ADRA2B: variants seen among roughly 807,000 people sequenced by gnomAD.
ADRA2B encodes adrenoceptor alpha 2B.
In ADRA2B, 14 loss-of-function variants were observed where a neutral mutation model predicts 14.4. The ratio of observed to expected loss-of-function variants is 0.97; its 90% CI spans 0.64 to 1.52. The LOEUF (loss-of-function observed/expected upper bound fraction) is 1.52. Among genes scored for constraint, ADRA2B ranks in the 40% most tolerant of loss-of-function variants. ADRA2B has a pLI of 0.00. For synonymous variants in ADRA2B, 250 were observed against 263.7 expected (o/e 0.95, Z 0.50); for missense variants, 606 against 603.2 (o/e 1.00, Z -0.05).
At position 96,115,027 on chromosome 2, in the gene ADRA2B, C is replaced by T; in HGVS notation, c.1123G>A (p.Val375Met). The T allele has an allele frequency of 6.2e-7, 1 of 1,613,814 alleles. No homozygotes were observed. Among genetic ancestry groups the T allele is most frequent in the Non-Finnish European group, 8.5e-7 (1 of 1,179,810 alleles). ...CAGAGCACAAAAACGCCAATGACCA[C>T]AGCCAGCACGAAGGTGAAGCGCTTC... ...REKRFTFVLA[V>M]VIGVFVLCWF... Residue 375 changes from valine (V) to methionine (M), a missense_variant, in exon 1 of 1, where the codon GTG becomes ATG. Val to Met is a conservative substitution (Grantham distance 21, BLOSUM62 1). Coordinates refer to ENST00000620793, the MANE Select transcript of ADRA2B (RefSeq NM_000682.7).
Position 96,115,744 on chromosome 2 carries a change from C to A in ADRA2B, c.406G>T (p.Val136Leu), listed in dbSNP as rs1355261717. Residue 136 changes from valine (V) to leucine (L), a missense_variant, in exon 1 of 1, where the codon GTG becomes TTG. Physicochemically the swap from Val to Leu is conservative, Grantham distance 32. Transcript: ENST00000620793. The stretch of plus-strand genomic sequence containing the variant: ...GAGATGACGGCGGCGATGAGCCACA[C>A]AGTGAGGATGATGCACTTGATGCGG... Reference protein sequence around the residue: ...PRRIKCIILTVWLIAAVISLP... With the variant: ...PRRIKCIILTLWLIAAVISLP... 1 of 1,613,160 alleles carries A rather than the reference C, an allele frequency of 6.2e-7. No individual in the cohort carries two copies. Among genetic ancestry groups the A allele is most frequent in the Admixed American group, 1.7e-5 (1 of 59,992 alleles).
At position 96,116,358 on chromosome 2, in the gene ADRA2B, G is replaced by C; in HGVS notation, c.-209C>G. The C allele has an allele frequency of 1.7e-6, 1 of 575,240 alleles. No individual in the cohort carries two copies. The highest frequency in any genetic ancestry group is 3.1e-6 in the Non-Finnish European group (1 of 322,760). 35.6% of individuals were successfully genotyped at this position (575,240 alleles called of 1,614,324 possible). A position where few individuals can be genotyped will look rare whatever the true frequency, so the allele number is the denominator to read the frequency against. ...CTACATCCTCCTCCACCGGTGCCCG[G>C]GGTCCCTGCCGTCCGCCCCAGAGAA... On this transcript the variant is annotated 5_prime_UTR_variant, in exon 1 of 1. Transcript: ENST00000620793.
In ADRA2B at chr2:96,113,135, T is replaced by C; in HGVS notation, c.*1662A>G. The C allele has an allele frequency of 2.5e-6, 1 of 398,550 alleles. No homozygotes were observed. The allele number at this position is 398,550 out of a possible 1,614,324, so 24.7% of individuals were successfully genotyped here. A position where few individuals can be genotyped will look rare whatever the true frequency, so the allele number is the denominator to read the frequency against. ...CCCACACCCCAGGAAGGACTCTTTT[T>C]GGTCCCCTCCATTCTCTCTACACCC... On this transcript the variant is annotated 3_prime_UTR_variant, in exon 1 of 1. Coordinates refer to ENST00000620793, the MANE Select transcript of ADRA2B (RefSeq NM_000682.7).
At position 96,115,764 on chromosome 2, in the gene ADRA2B, A is replaced by G; in HGVS notation, c.386T>C (p.Ile129Thr). The G allele has an allele frequency of 6.2e-7, 1 of 1,612,962 alleles. No individual in the cohort carries two copies. Among genetic ancestry groups the G allele is most frequent in the South Asian group, 1.1e-5 (1 of 91,026 alleles). ...CCACACAGTGAGGATGATGCACTTG[A>G]TGCGGCGCGGGGTGCGCTTGGAGTT... ...EYNSKRTPRR[I>T]KCIILTVWLI... Residue 129 changes from isoleucine (I) to threonine (T), a missense_variant, in exon 1 of 1, where the codon ATC becomes ACC. By Grantham distance (89) the Ile-to-Thr change is moderately conservative. Coordinates refer to ENST00000620793, the MANE Select transcript of ADRA2B (RefSeq NM_000682.7).
At position 96,115,881 on chromosome 2, in the gene ADRA2B, G is replaced by T. The variant is rs899636051; in HGVS notation, c.269C>A (p.Ala90Glu). The change falls in exon 1 of 1, where the codon GCG (alanine) becomes GAG (glutamate). Residue 90 changes from alanine (A) to glutamate (E), a missense_variant. By Grantham distance (107) the Ala-to-Glu change is moderately radical. Transcript: ENST00000620793. ...CGAGGTGCAGAAGAGCACGTCGAGCGCCAGGTACACCTCGCACCACGTGCG... is the reference window on the plus strand; with the variant it reads ...CGAGGTGCAGAAGAGCACGTCGAGCTCCAGGTACACCTCGCACCACGTGCG... ...FRRTWCEVYL[A>E]LDVLFCTSSI... 3.1e-6 allele frequency: 5 copies of T among 1,613,140 alleles called. No homozygotes were observed. In the African/African-American group the frequency reaches 5.3e-5, roughly 17 times the overall value.
In ADRA2B at chr2:96,114,545, AC is replaced by A. The variant is rs1452966906; in HGVS notation, c.*251del. 9 of 1,355,640 alleles carry A rather than the reference AC, an allele frequency of 6.6e-6. No individual in the cohort carries two copies. The highest frequency in any genetic ancestry group is 6.6e-6 in the Non-Finnish European group (7 of 1,053,582). 84.0% of individuals were successfully genotyped at this position (1,355,640 alleles called of 1,614,324 possible). Reference sequence around the variant, plus strand: ...GGCTATGTTCCAGAGGATTTGAACCACCTCCATCGGCCTGTGCTCAGGGAGA... The same window carrying A: ...GGCTATGTTCCAGAGGATTTGAACCACTCCATCGGCCTGTGCTCAGGGAGA... On this transcript the variant is annotated 3_prime_UTR_variant, in exon 1 of 1. Transcript: ENST00000620793.
rs79421642 is a variant in ADRA2B at position 96,115,746 on chromosome 2, G to A, written c.404C>T (p.Thr135Ile). The change falls in exon 1 of 1, where the codon ACT becomes ATT. Residue 135 changes from threonine (T) to isoleucine (I), a missense_variant. Physicochemically the swap from Thr to Ile is moderately conservative, Grantham distance 89 (BLOSUM62 -1). Transcript: ENST00000620793. The stretch of plus-strand genomic sequence containing the variant: ...GATGACGGCGGCGATGAGCCACACA[G>A]TGAGGATGATGCACTTGATGCGGCG... ...TPRRIKCIILTVWLIAAVISL... is the reference protein window; with the variant it reads ...TPRRIKCIILIVWLIAAVISL... 1 of 1,613,196 alleles carries A rather than the reference G, an allele frequency of 6.2e-7. No individual in the cohort carries two copies. Among genetic ancestry groups the A allele is most frequent in the Non-Finnish European group, 8.5e-7 (1 of 1,179,596 alleles).
rs1681815935 is a variant in ADRA2B, at chr2:96,114,410, C to T, written c.*387G>A. 2.0e-6 allele frequency: 2 copies of T among 1,016,172 alleles called. No individual in the cohort carries two copies. Among genetic ancestry groups the T allele is most frequent in the Admixed American group, 1.0e-4 (2 of 19,614 alleles). 62.9% of individuals were successfully genotyped at this position (1,016,172 alleles called of 1,614,324 possible). ...AGATGAAAAAGAAACGAAAACACCACAAGCAAGTGACCTGCCAGGAACACA... is the reference window on the plus strand; with the variant it reads ...AGATGAAAAAGAAACGAAAACACCATAAGCAAGTGACCTGCCAGGAACACA... On this transcript the variant is annotated 3_prime_UTR_variant, in exon 1 of 1. Transcript: ENST00000620793.
chr2:96,113,220 A>C lies in ADRA2B; in HGVS notation c.*1577T>G, dbSNP rs926415599. The C allele has an allele frequency of 3.8e-5, 15 of 398,430 alleles. No individual in the cohort carries two copies. Among genetic ancestry groups the C allele is most frequent in the Non-Finnish European group, 5.7e-5 (13 of 226,088 alleles). 24.7% of individuals were successfully genotyped at this position (398,430 alleles called of 1,614,324 possible). A position where few individuals can be genotyped will look rare whatever the true frequency, so the allele number is the denominator to read the frequency against. On this transcript the variant is annotated 3_prime_UTR_variant, in exon 1 of 1. Transcript: ENST00000620793. ...GGTCCATCTGGCCCATTCCCCCGAC[A>C]CCTGCCAAGCTAAGATGCCTACTGG...
In ADRA2B at chr2:96,114,161, GATCCATT is replaced by G. The variant is rs1388377306; in HGVS notation, c.*629_*635del. ...CGGAGGGGTGCTGGGTAAGGAAGCC[GATCCATT>G]GTTCTGGCTTTCAAAGGAACCACAG... On this transcript the variant is annotated 3_prime_UTR_variant, in exon 1 of 1. Coordinates refer to ENST00000620793, the MANE Select transcript of ADRA2B (RefSeq NM_000682.7). 6.1e-6 allele frequency: 6 copies of G among 985,630 alleles called. No homozygotes were observed. The African/African-American group carries it at 1.0e-4, about 17-fold the overall frequency. The allele number at this position is 985,630 out of a possible 1,614,324, so 61.1% of individuals were successfully genotyped here.
Position 96,116,146 on chromosome 2 carries a change from C to T in ADRA2B, c.4G>A (p.Asp2Asn), listed in dbSNP as rs779269347. ...TGCACGGAGTAGGGGTCCTGGTGGT[C>T]CATGACGGGGCGGGAGGTGGGCAGA... Reference protein sequence around the residue: MDHQDPYSVQAT... With the variant: MNHQDPYSVQAT... Residue 2 changes from aspartate to asparagine, a missense_variant, in exon 1 of 1, where the codon GAC becomes AAC. Coordinates refer to ENST00000620793, the MANE Select transcript of ADRA2B (RefSeq NM_000682.7). 1.9e-5 allele frequency: 30 copies of T among 1,608,530 alleles called. No homozygotes were observed. The South Asian group carries it at 3.3e-4, about 18-fold the overall frequency.
Position 96,115,519 on chromosome 2 carries a change from C to A in ADRA2B, c.631G>T (p.Gly211Trp), listed in dbSNP as rs1381172406. The A allele has an allele frequency of 1.2e-6, 2 of 1,613,820 alleles. No individual in the cohort carries two copies. Among genetic ancestry groups the A allele is most frequent in the Non-Finnish European group, 1.7e-6 (2 of 1,179,882 alleles). The change falls in exon 1 of 1, where the codon GGG becomes TGG. Residue 211 changes from glycine to tryptophan, a missense_variant. Coordinates refer to ENST00000620793, the MANE Select transcript of ADRA2B (RefSeq NM_000682.7). ...RSNRRGPRAK[G>W]GPGQGESKQP... ...TTGGACTCACCCTGCCCAGGCCCCCCCTTGGCCCTGGGACCTCTGCGGTTG... is the reference window on the plus strand; with the variant it reads ...TTGGACTCACCCTGCCCAGGCCCCCACTTGGCCCTGGGACCTCTGCGGTTG...
Position 96,114,141 on chromosome 2 carries a change from G to A in ADRA2B, c.*656C>T. ...CCACGTGGCCACCCACCTACCGGAG[G>A]GGTGCTGGGTAAGGAAGCCGATCCA... On this transcript the variant is annotated 3_prime_UTR_variant, in exon 1 of 1. Transcript: ENST00000620793. The A allele has an allele frequency of 1.0e-6, 1 of 985,744 alleles. No individual in the cohort carries two copies. 61.1% of individuals were successfully genotyped at this position (985,744 alleles called of 1,614,324 possible).
chr2:96,115,831 T>C lies in ADRA2B; in HGVS notation c.319A>G (p.Ser107Gly), dbSNP rs976423590. The change falls in exon 1 of 1, where the codon AGC becomes GGC. Residue 107 changes from serine (S) to glycine (G), a missense_variant. Coordinates refer to ENST00000620793, the MANE Select transcript of ADRA2B (RefSeq NM_000682.7). ...TSSIVHLCAI[S>G]LDRYWAVSRA... ...CTCACGGCCCAGTAGCGGTCCAGGCTGATGGCGCACAGGTGCACGATGGAC... is the reference window on the plus strand; with the variant it reads ...CTCACGGCCCAGTAGCGGTCCAGGCCGATGGCGCACAGGTGCACGATGGAC... 11 of 1,613,470 alleles carry C rather than the reference T, an allele frequency of 6.8e-6. No homozygotes were observed. Among genetic ancestry groups the C allele is most frequent in the Non-Finnish European group, 9.3e-6 (11 of 1,179,754 alleles).
rs775403096 is a variant in ADRA2B, at chr2:96,115,773, G to A, written c.377C>T (p.Pro126Leu). The stretch of plus-strand genomic sequence containing the variant: ...GAGGATGATGCACTTGATGCGGCGC[G>A]GGGTGCGCTTGGAGTTGTACTCCAG... ...RALEYNSKRT[P>L]RRIKCIILTV... The change falls in exon 1 of 1, where the codon CCG becomes CTG. Residue 126 changes from proline to leucine, a missense_variant. Physicochemically the swap from Pro to Leu is moderately conservative, Grantham distance 98. Transcript: ENST00000620793. 5 of 1,612,974 alleles carry A rather than the reference G, an allele frequency of 3.1e-6. No individual in the cohort carries two copies. The South Asian group carries it at 4.4e-5, about 14-fold the overall frequency.
chr2:96,115,072 G>T lies in ADRA2B; in HGVS notation c.1078C>A (p.Arg360=), dbSNP rs2969492. The change falls in exon 1 of 1, where the codon CGG becomes AGG. Residue 360 remains arginine (R), a synonymous_variant. Transcript: ENST00000620793. ...GAIGGQWWRR[R]AQLTREKRFT... ...CGCTTCTCCCGGGTCAGCTGCGCCCGTCGACGCCACCACTGCCCACCTATA... is the reference window on the plus strand; with the variant it reads ...CGCTTCTCCCGGGTCAGCTGCGCCCTTCGACGCCACCACTGCCCACCTATA... The T allele has an allele frequency of 5.0e-6, 8 of 1,613,204 alleles. No individual in the cohort carries two copies. In the East Asian group the frequency reaches 1.8e-4, roughly 36 times the overall value.
rs1681868241 is a variant in ADRA2B at position 96,116,092 on chromosome 2, T to C, written c.58A>G (p.Thr20Ala). The change falls in exon 1 of 1, where the codon ACC becomes GCC. Residue 20 changes from threonine (T) to alanine (A), a missense_variant. Thr to Ala is a moderately conservative substitution (Grantham distance 58). Coordinates refer to ENST00000620793, the MANE Select transcript of ADRA2B (RefSeq NM_000682.7). ...AAGATGGTAAAGAGAATGAGGAAGGTGATGGCCGCCGCTATGGCCGCTGTG... is the reference window on the plus strand; with the variant it reads ...AAGATGGTAAAGAGAATGAGGAAGGCGATGGCCGCCGCTATGGCCGCTGTG... ...QATAAIAAAI[T>A]FLILFTIFGN... The C allele has an allele frequency of 6.2e-7, 1 of 1,611,602 alleles. No homozygotes were observed. The highest frequency in any genetic ancestry group is 1.3e-5 in the African/African-American group (1 of 74,774).
chr2:96,114,902 G>A lies in ADRA2B; in HGVS notation c.1248C>T (p.Tyr416=), dbSNP rs201199389. The A allele has an allele frequency of 1.2e-6, 2 of 1,612,554 alleles. No individual in the cohort carries two copies. Among genetic ancestry groups the A allele is most frequent in the East Asian group, 2.2e-5 (1 of 44,858 alleles). ...GLFQFFFWIG[Y]CNSSLNPVIY... ...TAACAGGGTTCAGTGAGCTGTTGCA[G>A]TAGCCGATCCAGAAGAAGAACTGGA... Residue 416 remains tyrosine, a synonymous_variant, in exon 1 of 1, where the codon TAC becomes TAT. Transcript: ENST00000620793.
chr2:96,113,786 T>C lies in ADRA2B; in HGVS notation c.*1011A>G. The stretch of plus-strand genomic sequence containing the variant: ...AGAACACATTCTCAAAGAGATCCTT[T>C]AACTTGAAATAGTGATTCTGTCTGC... On this transcript the variant is annotated 3_prime_UTR_variant, in exon 1 of 1. Coordinates refer to ENST00000620793, the MANE Select transcript of ADRA2B (RefSeq NM_000682.7). 4 of 523,490 alleles carry C rather than the reference T, an allele frequency of 7.6e-6. No homozygotes were observed. Among genetic ancestry groups the C allele is most frequent in the Non-Finnish European group, 9.8e-6 (4 of 407,760 alleles). 32.4% of individuals were successfully genotyped at this position (523,490 alleles called of 1,614,324 possible). A position where few individuals can be genotyped will look rare whatever the true frequency, so the allele number is the denominator to read the frequency against.
Sources: gnomAD v4.1 joint callset for allele counts on GRCh38, gnomAD v4.1.1 for gene constraint, MANE v1.5 for transcripts, NCBI Gene and HGNC (gene_info 2026-07-23, HGNC 2026-07-21) for gene names.